DPYD: variants seen among roughly 807,000 people sequenced by gnomAD.
DPYD encodes the protein dihydropyrimidine dehydrogenase.
Under a neutral mutation model 116.2 loss-of-function variants are expected in DPYD, and 109 were observed. The ratio of observed to expected loss-of-function variants is 0.94; its 90% CI spans 0.80 to 1.10. The LOEUF is 1.10. DPYD is among the 50% of genes least tolerant of loss of function. The probability of loss-of-function intolerance (pLI) is 0.00; values close to 1 mark genes in which losing one functional copy is unlikely to be tolerated. For missense variants in DPYD, 1,302 were observed against 1,254.5 expected, an observed-to-expected ratio of 1.04 and a Z score of -0.57; for synonymous variants, 440 against 432.0, an observed-to-expected ratio of 1.02 and a Z score of -0.23.
chr1:97,425,913 T>C (rs1449775231), intron 14 of DPYD, among the ~76,000 whole-genome samples: 1 of 151,700 alleles, frequency 6.6e-6, no homozygotes, highest in African/African-American at 2.4e-5. Flanking sequence ...ATCTTAACTC[T>C]TTAAAACTAT....
chr1:97,549,487 G>T (rs1192815668), intron 12 of DPYD, 73 bp downstream of exon 12: 2 of 1,476,208 alleles, frequency 1.4e-6, no homozygotes, highest in Non-Finnish European at 1.9e-6. Flanking sequence ...TGCTCTTATA[G>T]ATGAGTATCA....
At chr1:97,423,022 T>A (rs754563293) in intron 14 of DPYD, among the ~76,000 whole-genome samples, 4 of 151,930 alleles carry the variant, frequency 2.6e-5, no homozygotes, top group Non-Finnish European at 5.9e-5. Flanking sequence ...AAGGTCCACA[T>A]GCACCGAGAA....
At chr1:97,553,899 C>A (rs748211342) in intron 11 of DPYD, among the ~76,000 whole-genome samples, 1 of 151,964 alleles carries the variant, frequency 6.6e-6, no homozygotes, top group African/African-American at 2.4e-5. Context: ...TTTATGCAGT[C>A]TTTATAAAGA....
Position 97,595,236 on chromosome 1 carries a change from A to G in DPYD, c.851-70T>C, listed in dbSNP as rs978672511. The G allele has an allele frequency of 4.8e-6, 6 of 1,237,866 alleles. No individual in the cohort carries two copies. The African/African-American group carries it at 9.1e-5, about 19-fold the overall frequency. The allele number at this position is 1,237,866 out of a possible 1,614,324, so 76.7% of individuals were successfully genotyped here. A position where few individuals can be genotyped will look rare whatever the true frequency, so the allele number is the denominator to read the frequency against. ...TTTTCCTATTAGATATTAAAACAAAAAAGAAAACTTTAATCTTTGAAATAA... is the reference window on the plus strand; with the variant it reads ...TTTTCCTATTAGATATTAAAACAAAGAAGAAAACTTTAATCTTTGAAATAA... On this transcript the variant is annotated intron_variant, in intron 8 of 22. Transcript: ENST00000370192.
intron 13 of DPYD, among the ~76,000 whole-genome samples, chr1:97,458,831 T>G (rs775202009): frequency 6.6e-6 from 1 of 152,160 alleles, no homozygotes; most frequent in Admixed American, 6.5e-5. Context: ...ATGGTGTCCT[T>G]AGATAACTAG....
intron 14 of DPYD, among the ~76,000 whole-genome samples, chr1:97,437,285 T>C (rs1675522214): frequency 6.6e-6 from 1 of 151,452 alleles, no homozygotes; most frequent in African/African-American, 2.4e-5. Flanking sequence ...ATAATATATG[T>C]ACTTTTGTGA....
intron 20 of DPYD, among the ~76,000 whole-genome samples, chr1:97,109,851 T>C (rs1348069050): frequency 7.1e-6 from 1 of 140,490 alleles, no homozygotes; most frequent in Non-Finnish European, 1.6e-5. Context: ...TATAAGTTTT[T>C]TAATATAAAA....
chr1:97,783,171 T>G (rs886721910), intron 3 of DPYD, among the ~76,000 whole-genome samples: 1 of 152,176 alleles, frequency 6.6e-6, no homozygotes, highest in African/African-American at 2.4e-5. Context: ...TGACTATAAA[T>G]AACTGGCCTC....
At chr1:97,401,127 G>A (rs979477928) in intron 14 of DPYD, among the ~76,000 whole-genome samples, 3 of 152,008 alleles carry the variant, frequency 2.0e-5, no homozygotes, top group African/African-American at 2.4e-5. Flanking sequence ...TGAGGTGTCC[G>A]TTAAAGTCTT....
intron 14 of DPYD, among the ~76,000 whole-genome samples, chr1:97,440,863 T>C (rs1245609674): frequency 6.6e-6 from 1 of 152,218 alleles, no homozygotes; most frequent in Non-Finnish European, 1.5e-5. Flanking sequence ...CCTAAAACAG[T>C]TTAACATTAC....
intron 19 of DPYD, among the ~76,000 whole-genome samples, chr1:97,226,188 T>A (rs914266083): frequency 6.6e-6 from 1 of 152,098 alleles, no homozygotes. Context: ...AAATTGAACA[T>A]CTTTCTTAAT....
At chr1:97,582,938 T>C (rs1653793948) in intron 10 of DPYD, among the ~76,000 whole-genome samples, 1 of 152,142 alleles carries the variant, frequency 6.6e-6, no homozygotes. Context: ...TAAATACATC[T>C]CTTTTAACAA....
At chr1:97,396,744 T>C (rs1370007601) in intron 14 of DPYD, among the ~76,000 whole-genome samples, 1 of 152,020 alleles carries the variant, frequency 6.6e-6, no homozygotes, top group Non-Finnish European at 1.5e-5. Context: ...CCACATGTAC[T>C]TTTAGATGTC....
chr1:97,295,362 G>A (rs1285364030), intron 18 of DPYD: 6 of 127,666 alleles, frequency 4.7e-5, no homozygotes, highest in Admixed American at 2.4e-4. Context: ...AGCAATACAA[G>A]TCTGTCAACA....
At chr1:97,160,397 C>T (rs945516967) in intron 20 of DPYD, among the ~76,000 whole-genome samples, 8 of 151,958 alleles carry the variant, frequency 5.3e-5, no homozygotes, top group Admixed American at 6.6e-5. Context: ...ACTAAACTAA[C>T]ACTGTATCTT....
chr1:97,707,692 G>A (rs1487715334), intron 5 of DPYD, among the ~76,000 whole-genome samples: 2 of 151,916 alleles, frequency 1.3e-5, no homozygotes, highest in Non-Finnish European at 2.9e-5. Flanking sequence ...AAACTGAGCA[G>A]ACTAAGCATT....
chr1:97,143,351 G>T lies in DPYD; in HGVS notation c.2623-44719C>A, dbSNP rs189535995. ...AAATGTTCAATGGCAAGAGTATTTA[G>T]GACTGAGAACATCTGACCACTCAGA... On this transcript the variant is annotated intron_variant, in intron 20 of 22. Coordinates refer to ENST00000370192, the MANE Select transcript of DPYD (RefSeq NM_000110.4). Among the ~76,000 whole-genome samples the T allele has an allele frequency of 1.8e-3, 267 of 152,132 alleles. 1 individual carries two copies. Among genetic ancestry groups the T allele is most frequent in the African/African-American group, 5.9e-3 (243 of 41,528 alleles).
At chr1:97,550,844 T>G (rs753422335) in intron 11 of DPYD, among the ~76,000 whole-genome samples, 12 of 152,172 alleles carry the variant, frequency 7.9e-5, no homozygotes, top group Non-Finnish European at 1.5e-4. Context: ...AAAATGTTAT[T>G]TTTGACACCT....
chr1:97,603,565 C>T (rs1165472272), intron 8 of DPYD, among the ~76,000 whole-genome samples: 3 of 152,032 alleles, frequency 2.0e-5, no homozygotes, highest in Admixed American at 6.6e-5. Flanking sequence ...ACACACATTC[C>T]GTAGAAGGAA....
Sources: allele counts gnomAD v4.1 joint callset (sites outside exome capture counted in the v4.1 genomes callset), GRCh38; gene constraint gnomAD v4.1.1; transcripts MANE v1.5; gene names NCBI Gene and HGNC (gene_info 2026-07-23, HGNC 2026-07-21).